DYSF: variants seen among roughly 807,000 people sequenced by gnomAD.
DYSF encodes the protein dysferlin, also known as dystrophy-associated fer-1-like 1.
A neutral mutation model predicts 274.9 loss-of-function variants in DYSF; 212 were observed. The observed-to-expected ratio is 0.77, with a 90% CI of 0.69 to 0.86. DYSF has a LOEUF of 0.86. DYSF is among the 40% of genes least tolerant of loss of function. The pLI is 0.00. For synonymous variants in DYSF, 1,091 were observed against 1,078.7 expected (o/e 1.01, Z -0.22); for missense variants, 2,666 against 2,783.2 (o/e 0.96, Z 0.95).
At chr2:71,572,967 C>T (rs367707594) in intron 29 of DYSF, among the ~76,000 whole-genome samples, 1 of 152,218 alleles carries the variant, frequency 6.6e-6, no homozygotes, top group South Asian at 2.1e-4. Context: ...CATGGATGAG[C>T]ACACGCAAGC....
rs1258728780 is a variant in DYSF at position 71,517,029 on chromosome 2, G to A, written c.992G>A (p.Gly331Glu). 3.7e-6 allele frequency: 6 copies of A among 1,614,010 alleles called. No homozygotes were observed. The highest frequency in any genetic ancestry group is 5.1e-6 in the Non-Finnish European group (6 of 1,180,012). ...SRSLRTDALL[G>E]EFRMDVGTIY... The stretch of plus-strand genomic sequence containing the variant: ...TCTCTCAGGACAGATGCTCTCCTCG[G>A]GGAGTTCCGGGTAATTGCTTATTTT... Residue 331 changes from glycine to glutamate, a missense_variant, in exon 10 of 56, where the codon GGG becomes GAG. By Grantham distance (98) the Gly-to-Glu change is moderately conservative. Coordinates refer to ENST00000410020, the MANE Select transcript of DYSF (RefSeq NM_001130987.2).
intron 52 of DYSF, 124 bp from the exon 53 acceptor site, chr2:71,678,933 C>T (rs2095260447): frequency 6.0e-6 from 5 of 826,560 alleles, no homozygotes; most frequent in Non-Finnish European, 1.0e-5. Context: ...ACCTGTGGCT[C>T]GGCCATGGAT....
chr2:71,508,243 C>T (rs952769722), intron 4 of DYSF, among the ~76,000 whole-genome samples: 3 of 152,106 alleles, frequency 2.0e-5, no homozygotes, highest in African/African-American at 7.2e-5. Context: ...ACCTCCTGGC[C>T]CATCATTCTG....
At chr2:71,671,537 A>T (rs1470708167) in intron 51 of DYSF, among the ~76,000 whole-genome samples, 2 of 152,236 alleles carry the variant, frequency 1.3e-5, no homozygotes, top group Non-Finnish European at 2.9e-5. Flanking sequence ...CCCCTTCCTC[A>T]TGACAGGTGG....
chr2:71,507,475 A>G (rs1325767415), intron 4 of DYSF, among the ~76,000 whole-genome samples: 3 of 151,940 alleles, frequency 2.0e-5, no homozygotes, highest in East Asian at 1.9e-4. Context: ...TATTTTGTTT[A>G]TTATTTATTG....
chr2:71,664,283 C>T lies in DYSF; in HGVS notation c.5019C>T (p.Thr1673=), dbSNP rs2094956488. The T allele has an allele frequency of 6.2e-7, 1 of 1,614,150 alleles. No individual in the cohort carries two copies. Among genetic ancestry groups the T allele is most frequent in the Non-Finnish European group, 8.5e-7 (1 of 1,179,998 alleles). ...CCTCCTGCAGGATGTTCGAGCTGAC[C>T]TGCACTCTGCCTCTGGAGAAGGACC... is the stretch of plus-strand genomic sequence containing the variant. ...EPVFGKMFEL[T]CTLPLEKDLK... Residue 1673 remains threonine, a synonymous_variant, in exon 46 of 56, where the codon ACC becomes ACT. Transcript: ENST00000410020.
At chr2:71,518,570 G>A (rs1001142260) in intron 10 of DYSF, among the ~76,000 whole-genome samples, 1 of 151,488 alleles carries the variant, frequency 6.6e-6, no homozygotes, top group African/African-American at 2.4e-5. Flanking sequence ...TGGCCTGCAT[G>A]GTGTTTTAAT....
At chr2:71,499,914 C>T (rs560289767) in intron 3 of DYSF, among the ~76,000 whole-genome samples, 2 of 152,200 alleles carry the variant, frequency 1.3e-5, no homozygotes, top group Admixed American at 1.3e-4. Flanking sequence ...TCTGCACACA[C>T]TCATAGCTGG....
chr2:71,555,431 C>T (rs888749225), intron 21 of DYSF, among the ~76,000 whole-genome samples: 4 of 152,116 alleles, frequency 2.6e-5, no homozygotes, highest in African/African-American at 7.2e-5. Flanking sequence ...GAGAAGAGCT[C>T]GGTAAGGGCC....
At position 71,470,689 on chromosome 2, in the gene DYSF, A is replaced by AAAG. The variant is rs1553502748; in HGVS notation, c.91+3758_91+3759insGAA. ...ACTCCATCTCAAAAAAAAAAAAAAA[A>AAAG]AAAAGAAAAGAGCTTTCTCTTCTCT... On this transcript the variant is annotated intron_variant, in intron 1 of 55. Transcript: ENST00000410020. Among the ~76,000 whole-genome samples the AAAG allele has an allele frequency of 1.3e-3, 195 of 148,680 alleles. 2 individuals are homozygous for AAAG. The highest frequency in any genetic ancestry group is 4.7e-3 in the African/African-American group (191 of 40,394).
chr2:71,574,986 C>T (rs1232394006), intron 30 of DYSF, among the ~76,000 whole-genome samples: 1 of 152,208 alleles, frequency 6.6e-6, no homozygotes, highest in African/African-American at 2.4e-5. Context: ...TACTGGCACA[C>T]AGCCAGTCCC....
intron 32 of DYSF, among the ~76,000 whole-genome samples, chr2:71,596,267 G>A (rs72827594): frequency 0.039 from 5,989 of 152,176 alleles, 141 homozygotes; most frequent in Middle Eastern, 0.1. Context: ...CAGCCTGCTC[G>A]GGGGCCAGCG....
intron 41 of DYSF, among the ~76,000 whole-genome samples, chr2:71,622,843 G>A (rs2094135817): frequency 6.6e-6 from 1 of 152,190 alleles, no homozygotes; most frequent in Non-Finnish European, 1.5e-5. Context: ...TTGAACTCCT[G>A]ACCTCAAATG....
At chr2:71,600,567 C>T (rs1046665632) in intron 33 of DYSF, 135 bp from the exon 34 acceptor site, 41 of 1,243,712 alleles carry the variant, frequency 3.3e-5, no homozygotes, top group Middle Eastern at 1.9e-4. Context: ...CAGAATTCAC[C>T]ATTCTGTGGG....
At chr2:71,583,822 G>T (rs912894866) in intron 30 of DYSF, among the ~76,000 whole-genome samples, 4 of 152,192 alleles carry the variant, frequency 2.6e-5, no homozygotes, top group African/African-American at 9.6e-5. Context: ...TCCTGGCTGT[G>T]GTCCTTGGAT....
In DYSF at chr2:71,669,127, TA is replaced by T; in HGVS notation, c.5563del (p.Ile1855LeufsTer8). 6 of 1,604,770 alleles carry T rather than the reference TA, an allele frequency of 3.7e-6. No individual in the cohort carries two copies. Among genetic ancestry groups the T allele is most frequent in the Non-Finnish European group, 5.1e-6 (6 of 1,175,566 alleles). ...RRARRFFLRC[I>X]IWNTRDVILD... The stretch of plus-strand genomic sequence containing the variant: ...CTTTCCCCAGGTTTTTCCTGCGTTG[TA>T]TTATCTGGAATACCAGAGATGTGAT... On this transcript the variant is annotated frameshift_variant, in exon 50 of 56. Coordinates refer to ENST00000410020, the MANE Select transcript of DYSF (RefSeq NM_001130987.2). LOFTEE classifies it high-confidence loss of function.
intron 4 of DYSF, among the ~76,000 whole-genome samples, chr2:71,504,995 G>C (rs1426117250): frequency 1.3e-5 from 2 of 152,236 alleles, no homozygotes; most frequent in East Asian, 3.9e-4. Context: ...TCTCCAAAAA[G>C]AGTGTGTGAG....
intron 3 of DYSF, among the ~76,000 whole-genome samples, chr2:71,497,046 G>A (rs1347825873): frequency 6.6e-6 from 1 of 152,162 alleles, no homozygotes; most frequent in African/African-American, 2.4e-5. Flanking sequence ...TTGTCTGTGA[G>A]GTGGACTGAA....
chr2:71,642,683 C>G (rs1369369884), intron 41 of DYSF, among the ~76,000 whole-genome samples: 2 of 152,194 alleles, frequency 1.3e-5, no homozygotes, highest in African/African-American at 4.8e-5. Context: ...CTGGAGACAC[C>G]TGGCCACACA....
Sources: gnomAD v4.1 joint callset for allele counts (sites outside exome capture counted in the v4.1 genomes callset) on GRCh38, gnomAD v4.1.1 for gene constraint, MANE v1.5 for transcripts, NCBI Gene and HGNC (gene_info 2026-07-23, HGNC 2026-07-21) for gene names.